TYW1B: variants seen among roughly 807,000 people sequenced by gnomAD.
TYW1B encodes the protein S-adenosyl-L-methionine-dependent tRNA 4-demethylwyosine synthase TYW1B.
A neutral mutation model predicts 86.9 loss-of-function variants in TYW1B; 73 were observed. The ratio of observed to expected loss-of-function variants is 0.84; its 90% CI spans 0.70 to 1.02. The LOEUF is 1.02. Ranked by LOEUF, TYW1B falls within the 50% of genes least tolerant of loss-of-function variation. The probability of loss-of-function intolerance (pLI) is 0.00; values close to 1 mark genes in which losing one functional copy is unlikely to be tolerated. For missense variants in TYW1B, 637 were observed against 827.4 expected (o/e 0.77, Z 2.82); for synonymous variants, 248 against 292.8 (o/e 0.85, Z 1.56).
chr7:72,760,691 G>T (rs1202905668), intron 7 of TYW1B, among the ~76,000 whole-genome samples: 3 of 152,054 alleles, frequency 2.0e-5, no homozygotes, highest in Non-Finnish European at 4.4e-5. Context: ...TCAATAAGCT[G>T]GTTTTAAAGT....
At chr7:72,795,221 C>T (rs1554474285) in intron 6 of TYW1B, among the ~76,000 whole-genome samples, 4 of 151,106 alleles carry the variant, frequency 2.6e-5, no homozygotes, top group Non-Finnish European at 5.9e-5. Context: ...AGAGTGAGAC[C>T]CTGTCTCCAA....
intron 6 of TYW1B, among the ~76,000 whole-genome samples, chr7:72,789,054 C>G: frequency 6.6e-6 from 1 of 152,064 alleles, no homozygotes; most frequent in Admixed American, 6.6e-5. Flanking sequence ...TGGTCTCAAA[C>G]TCCAGGGGTC....
intron 11 of TYW1B, among the ~76,000 whole-genome samples, chr7:72,642,357 A>G (rs1257662966): frequency 3.9e-5 from 6 of 152,256 alleles, no homozygotes; most frequent in Non-Finnish European, 7.3e-5. Flanking sequence ...GACTTTTCAA[A>G]GTTAAAACTT....
chr7:72,802,616 T>G, intron 5 of TYW1B, 94 bp from the exon 6 acceptor site: 1 of 1,472,974 alleles, frequency 6.8e-7, no homozygotes, highest in Non-Finnish European at 8.9e-7. Context: ...ACTATGTCTC[T>G]AAATTCTTTT....
chr7:72,672,593 T>C (rs1259551717), intron 11 of TYW1B, among the ~76,000 whole-genome samples: 1 of 151,530 alleles, frequency 6.6e-6, no homozygotes, highest in Non-Finnish European at 1.5e-5. Context: ...CAACTGCAAA[T>C]AGAAAGGGCA....
intron 11 of TYW1B, among the ~76,000 whole-genome samples, chr7:72,630,313 C>G (rs1812451479): frequency 6.6e-6 from 1 of 151,866 alleles, no homozygotes; most frequent in Non-Finnish European, 1.5e-5. Flanking sequence ...GGCTTAAAAT[C>G]TAAAGTGAGA....
intron 13 of TYW1B, among the ~76,000 whole-genome samples, chr7:72,611,501 G>A (rs180859362): frequency 3.3e-5 from 5 of 152,126 alleles, no homozygotes; most frequent in Non-Finnish European, 5.9e-5. Flanking sequence ...TTCCTCTTTC[G>A]CTTGGCCCTC....
intron 7 of TYW1B, among the ~76,000 whole-genome samples, chr7:72,775,912 G>T (rs564221259): frequency 6.6e-5 from 10 of 152,214 alleles, no homozygotes; most frequent in African/African-American, 2.4e-4. Flanking sequence ...TAATTAAATA[G>T]ATGTTTTGAT....
chr7:72,796,440 T>C (rs1416409865), intron 6 of TYW1B, among the ~76,000 whole-genome samples: 1 of 142,432 alleles, frequency 7.0e-6, no homozygotes, highest in African/African-American at 2.6e-5. Context: ...TTCACCATGT[T>C]GGCCAGGTTG....
intron 12 of TYW1B, among the ~76,000 whole-genome samples, chr7:72,622,849 C>G (rs572487481): frequency 2.0e-4 from 31 of 152,154 alleles, no homozygotes; most frequent in Non-Finnish European, 3.4e-4. Flanking sequence ...CACAAACACA[C>G]CACGCACTCA....
At chr7:72,738,395 G>A (rs35867482) in intron 8 of TYW1B, among the ~76,000 whole-genome samples, 2 of 152,076 alleles carry the variant, frequency 1.3e-5, no homozygotes, top group African/African-American at 4.8e-5. Flanking sequence ...GTCACATTCT[G>A]TTTCAATGCT....
In TYW1B at chr7:72,733,622, T is replaced by C. The variant is rs185111632; in HGVS notation, c.1083-4691A>G. Among the ~76,000 whole-genome samples, 321 of 152,072 alleles carry C rather than the reference T, an allele frequency of 2.1e-3. 2 individuals are homozygous for C. Among genetic ancestry groups the C allele is most frequent in the African/African-American group, 7.4e-3 (306 of 41,512 alleles). On this transcript the variant is annotated intron_variant, in intron 8 of 13. Transcript: ENST00000620995. ...GTTGCAGTGAACTGAGATTGTGCCA[T>C]TGCACTCCAGCCTGGGGGACAGAGC... is the stretch of plus-strand genomic sequence containing the variant.
intron 12 of TYW1B, among the ~76,000 whole-genome samples, chr7:72,621,288 C>G (rs1307765982): frequency 6.6e-6 from 1 of 152,214 alleles, no homozygotes; most frequent in Non-Finnish European, 1.5e-5. Context: ...AACCTCCTTT[C>G]TTCATAAATG....
At chr7:72,605,722 G>A (rs575944474) in intron 13 of TYW1B, among the ~76,000 whole-genome samples, 1 of 152,260 alleles carries the variant, frequency 6.6e-6, no homozygotes, top group East Asian at 1.9e-4. Context: ...GATCTGATGA[G>A]ATCTGATTAG....
chr7:72,577,151 G>A (rs1384672293), intron 13 of TYW1B, among the ~76,000 whole-genome samples: 5 of 146,544 alleles, frequency 3.4e-5, no homozygotes, highest in East Asian at 4.1e-4. Context: ...AGAAAACTCC[G>A]ACTAACTAAA....
intron 2 of TYW1B, among the ~76,000 whole-genome samples, chr7:72,824,709 C>T (rs1398380206): frequency 6.6e-6 from 1 of 152,064 alleles, no homozygotes; most frequent in Non-Finnish European, 1.5e-5. Flanking sequence ...CCACTGCACT[C>T]CAGGCTGGGG....
At chr7:72,662,479 A>T (rs80050746) in intron 11 of TYW1B, among the ~76,000 whole-genome samples, 37 of 151,874 alleles carry the variant, frequency 2.4e-4, no homozygotes, top group Non-Finnish European at 3.4e-4. Context: ...AGATAGATAA[A>T]TTTTTTTCCT....
intron 13 of TYW1B, among the ~76,000 whole-genome samples, chr7:72,607,713 CA>C (rs565689560): frequency 5.5e-5 from 8 of 146,466 alleles, no homozygotes; most frequent in Non-Finnish European, 9.1e-5. Context: ...GGGACCATAA[CA>C]AAAAAAAAAT....
chr7:72,594,341 TA>T (rs58495459), intron 13 of TYW1B, among the ~76,000 whole-genome samples: 36,750 of 140,620 alleles, frequency 0.26, 4,831 homozygotes, highest in East Asian at 0.55. Flanking sequence ...AATTCTGCAT[TA>T]AAAAAAAAAA....
Sources: gnomAD v4.1 joint callset for allele counts (sites outside exome capture counted in the v4.1 genomes callset) on GRCh38, gnomAD v4.1.1 for gene constraint, MANE v1.5 for transcripts, NCBI Gene and HGNC (gene_info 2026-07-23, HGNC 2026-07-21) for gene names.